Variants in TRPC5 observed in about 807,000 individuals in gnomAD.
TRPC5 encodes short transient receptor potential channel 5.
Under a neutral mutation model 56.5 loss-of-function variants are expected in TRPC5, and 9 were observed. That is an observed-to-expected ratio of 0.16 (90% confidence interval 0.10 to 0.28). TRPC5 has a LOEUF of 0.28. Ranked by LOEUF, TRPC5 falls within the 10% of genes least tolerant of loss-of-function variation. TRPC5 has a pLI of 1.00. For synonymous variants in TRPC5, 282 were observed against 278.5 expected, an observed-to-expected ratio of 1.01 and a Z score of -0.13; for missense variants, 469 against 748.9, an observed-to-expected ratio of 0.63 and a Z score of 4.36.
intron 3 of TRPC5, among the ~76,000 whole-genome samples, chrX:111,862,536 A>G (rs1489592759): frequency 2.7e-5 from 3 of 112,313 alleles, no homozygotes; most frequent in Non-Finnish European, 5.6e-5. Context: ...ATCCAAGGTC[A>G]CAAAGACTCA....
At chrX:111,878,257 A>C (rs1389967029) in intron 3 of TRPC5, among the ~76,000 whole-genome samples, 1 of 110,835 alleles carries the variant, frequency 9.0e-6, no homozygotes, top group Non-Finnish European at 1.9e-5. Flanking sequence ...ATAAAATAAA[A>C]TTTAAAAATG....
intron 7 of TRPC5, among the ~76,000 whole-genome samples, chrX:111,793,933 G>GT (rs1946041457): frequency 8.9e-6 from 1 of 111,825 alleles, no homozygotes; most frequent in Non-Finnish European, 1.9e-5. Context: ...GTTATTCTAA[G>GT]TGAAAGTAGC....
intron 9 of TRPC5, 35 bp from the exon 10 acceptor site, chrX:111,779,109 CCTT>C (rs1945900504): frequency 2.0e-6 from 2 of 1,009,619 alleles, no homozygotes; most frequent in Non-Finnish European, 2.8e-6. Context: ...CATTCAGTCT[CCTT>C]CTCAGGCTCT....
intron 1 of TRPC5, among the ~76,000 whole-genome samples, chrX:111,969,292 A>G (rs767600211): frequency 5.3e-5 from 6 of 112,305 alleles, no homozygotes; most frequent in South Asian, 7.4e-4. Flanking sequence ...GCTATAGTAT[A>G]GTGTAAACAT....
At position 111,947,527 on chromosome X, in the gene TRPC5, G is replaced by A. The variant is rs763549350; in HGVS notation, c.378+4516C>T. On this transcript the variant is annotated intron_variant, in intron 2 of 10. Transcript: ENST00000262839. ...AATTTTTGTGTTTTTAGTAGAGACC[G>A]GGTTTCTTCTAGGCTGGTCTTGAAT... 2.0e-4 allele frequency among the ~76,000 whole-genome samples: 22 copies of A among 110,589 alleles called. No individual in the cohort carries two copies. In the South Asian group the frequency reaches 8.2e-3, roughly 41 times the overall value.
intron 1 of TRPC5, among the ~76,000 whole-genome samples, chrX:112,054,264 T>C (rs750866678): frequency 4.4e-4 from 49 of 110,755 alleles, no homozygotes; most frequent in African/African-American, 1.6e-3. Context: ...GGGAGTGATG[T>C]GGATTGGTAG....
rs370509057 is a variant in TRPC5, at chrX:111,999,794, C to T, written c.-21-47353G>A. ...CAGCCTGGCCAACATGGCAAAACCC[C>T]GTCTCTACTAAAAATACAAAAATTA... is the stretch of plus-strand genomic sequence containing the variant. On this transcript the variant is annotated intron_variant, in intron 1 of 10. Coordinates refer to ENST00000262839, the MANE Select transcript of TRPC5 (RefSeq NM_012471.3). Among the ~76,000 whole-genome samples, 8 of 110,913 alleles carry T rather than the reference C, an allele frequency of 7.2e-5. No homozygotes were observed. The South Asian group carries it at 2.3e-3, about 32-fold the overall frequency.
chrX:111,833,865 A>C (rs1922487031), intron 7 of TRPC5, among the ~76,000 whole-genome samples: 1 of 111,674 alleles, frequency 9.0e-6, no homozygotes, highest in African/African-American at 3.3e-5. Context: ...CAAATCTGAG[A>C]AATAGCATCT....
intron 1 of TRPC5, among the ~76,000 whole-genome samples, chrX:112,063,311 C>A (rs1174411371): frequency 8.9e-6 from 1 of 111,854 alleles, no homozygotes; most frequent in Non-Finnish European, 1.9e-5. Flanking sequence ...CTTGCTATTT[C>A]ATTCAGATTT....
chrX:111,779,980 A>G, intron 9 of TRPC5, among the ~76,000 whole-genome samples: 1 of 112,118 alleles, frequency 8.9e-6, no homozygotes, highest in Non-Finnish European at 1.9e-5. Flanking sequence ...TATAAAAGTA[A>G]TAACATTTGA....
At chrX:112,077,226 C>T (rs1423080545) in intron 1 of TRPC5, among the ~76,000 whole-genome samples, 1 of 111,425 alleles carries the variant, frequency 9.0e-6, no homozygotes, top group Non-Finnish European at 1.9e-5. Context: ...ACACCCAAGT[C>T]GTCCTGGTAA....
intron 7 of TRPC5, among the ~76,000 whole-genome samples, chrX:111,798,452 G>C (rs958880475): frequency 9.0e-6 from 1 of 111,675 alleles, no homozygotes; most frequent in African/African-American, 3.2e-5. Flanking sequence ...ATTGTATTTA[G>C]TGCAATACTG....
At chrX:112,049,547 T>A (rs980354297) in intron 1 of TRPC5, among the ~76,000 whole-genome samples, 1 of 106,959 alleles carries the variant, frequency 9.3e-6, no homozygotes, top group Non-Finnish European at 1.9e-5. Flanking sequence ...ATATATATAT[T>A]TTGAAGAGAC....
intron 1 of TRPC5, among the ~76,000 whole-genome samples, chrX:111,986,479 T>A (rs376455268): frequency 9.1e-6 from 1 of 110,368 alleles, no homozygotes; most frequent in African/African-American, 3.3e-5. Flanking sequence ...AATCTACTTA[T>A]CAGTGTAGAA....
intron 7 of TRPC5, among the ~76,000 whole-genome samples, chrX:111,825,228 TTCTC>T (rs56898407): frequency 0.033 from 2,498 of 75,333 alleles, 242 homozygotes; most frequent in African/African-American, 0.15. Context: ...TCTTCTTTCT[TTCTC>T]TCTCTCTCTC....
At chrX:111,825,153 TTC>T (rs1214654424) in intron 7 of TRPC5, among the ~76,000 whole-genome samples, 2 of 23,928 alleles carry the variant, frequency 8.4e-5, no homozygotes, top group Non-Finnish European at 2.3e-4. Flanking sequence ...CTTCCTTTCT[TTC>T]TTTCTTTCTT....
At chrX:112,030,759 A>G (rs1374190620) in intron 1 of TRPC5, among the ~76,000 whole-genome samples, 2 of 111,750 alleles carry the variant, frequency 1.8e-5, no homozygotes, top group African/African-American at 6.5e-5. Flanking sequence ...TTGGCCTACT[A>G]TACTTCATCA....
At chrX:111,968,408 T>A (rs1429815543) in intron 1 of TRPC5, among the ~76,000 whole-genome samples, 5 of 111,457 alleles carry the variant, frequency 4.5e-5, no homozygotes, top group Non-Finnish European at 9.4e-5. Context: ...ATTGTGGAAG[T>A]CGGTGTGGCA....
At position 111,787,002 on chromosome X, in the gene TRPC5, C is replaced by T. The variant is rs182344564; in HGVS notation, c.1897-4864G>A. On this transcript the variant is annotated intron_variant, in intron 7 of 10. Coordinates refer to ENST00000262839, the MANE Select transcript of TRPC5 (RefSeq NM_012471.3). ...CACCCCACTGTCAATATTAGATCAA[C>T]GAGACAGAAAGTTCCAGGTCCGGGA... is the stretch of plus-strand genomic sequence containing the variant. 5.9e-3 allele frequency among the ~76,000 whole-genome samples: 648 copies of T among 109,732 alleles called. 4 individuals carry two copies. The highest frequency in any genetic ancestry group is 9.2e-3 in the Middle Eastern group (2 of 218).
Sources: allele counts gnomAD v4.1 joint callset (sites outside exome capture counted in the v4.1 genomes callset), GRCh38; gene constraint gnomAD v4.1.1; transcripts MANE v1.5; gene names NCBI Gene and HGNC (gene_info 2026-07-23, HGNC 2026-07-21).